Variants in RASAL2 observed in about 807,000 individuals in gnomAD.
The protein encoded by RASAL2 is RAS protein activator like 2.
A neutral mutation model predicts 128.9 loss-of-function variants in RASAL2; 58 were observed. That is an observed-to-expected ratio of 0.45 (90% confidence interval 0.36 to 0.56). The LOEUF (loss-of-function observed/expected upper bound fraction) is 0.56, where lower values mean the gene tolerates loss of function less well. RASAL2 is among the 20% of genes least tolerant of loss of function. The probability of loss-of-function intolerance (pLI) is 0.00; values close to 1 mark genes in which losing one functional copy is unlikely to be tolerated. For missense variants in RASAL2, 1,360 were observed against 1,601.6 expected, an observed-to-expected ratio of 0.85 and a Z score of 2.57; for synonymous variants, 561 against 580.8, an observed-to-expected ratio of 0.97 and a Z score of 0.49.
chr1:178,333,184 G>A (rs896211208), intron 3 of RASAL2, among the ~76,000 whole-genome samples: 3 of 151,882 alleles, frequency 2.0e-5, no homozygotes, highest in South Asian at 2.1e-4. Context: ...GCCCGCCACC[G>A]CTCCCGGCTA....
At chr1:178,438,881 C>CTGTGGGTG in intron 5 of RASAL2, among the ~76,000 whole-genome samples, 1 of 129,466 alleles carries the variant, frequency 7.7e-6, no homozygotes, top group Admixed American at 8.1e-5. Flanking sequence ...AGCTTCGACT[C>CTGTGGGTG]TGTGTGTGTG....
chr1:178,202,528 A>G (rs778039267), intron 1 of RASAL2, among the ~76,000 whole-genome samples: 3 of 152,206 alleles, frequency 2.0e-5, no homozygotes, highest in Admixed American at 6.5e-5. Context: ...CAAGCAGTGC[A>G]CCTGGGTGTG....
intron 8 of RASAL2, 92 bp from the exon 9 acceptor site, chr1:178,445,426 G>T (rs1676933638): frequency 1.5e-6 from 2 of 1,346,410 alleles, no homozygotes; most frequent in East Asian, 2.5e-5. Flanking sequence ...TTTTAAAGCA[G>T]CATTTCCAGG....
At chr1:178,359,244 T>C (rs1347717037) in intron 3 of RASAL2, among the ~76,000 whole-genome samples, 5 of 152,186 alleles carry the variant, frequency 3.3e-5, no homozygotes, top group Non-Finnish European at 7.3e-5. Context: ...GAAAAGTAAA[T>C]ACATTAATAA....
At chr1:178,119,678 A>G (rs553199587) in intron 1 of RASAL2, among the ~76,000 whole-genome samples, 1 of 152,324 alleles carries the variant, frequency 6.6e-6, no homozygotes, top group East Asian at 1.9e-4. Context: ...ACAGAAGTAC[A>G]TGTAACATAT....
At chr1:178,231,345 G>A (rs889015280) in intron 1 of RASAL2, among the ~76,000 whole-genome samples, 1 of 152,074 alleles carries the variant, frequency 6.6e-6, no homozygotes, top group Non-Finnish European at 1.5e-5. Context: ...TTGTGTGCGT[G>A]AAGAGTTTGT....
At chr1:178,345,867 A>G (rs1057417406) in intron 3 of RASAL2, among the ~76,000 whole-genome samples, 4 of 152,214 alleles carry the variant, frequency 2.6e-5, no homozygotes, top group African/African-American at 9.6e-5. Flanking sequence ...GGGAAGGATA[A>G]TCATCTCCTG....
chr1:178,252,071 T>A lies in RASAL2; in HGVS notation c.203-31493T>A, dbSNP rs545748506. Among the ~76,000 whole-genome samples the A allele has an allele frequency of 7.9e-5, 12 of 152,214 alleles. No individual in the cohort carries two copies. The South Asian group carries it at 2.3e-3, about 29-fold the overall frequency. The stretch of plus-strand genomic sequence containing the variant: ...TTAAGAGAATAAAGTGCTTGAAAAA[T>A]TTTATAAACTGAAAATTTATGTGGG... On this transcript the variant is annotated intron_variant, in intron 1 of 17. Transcript: ENST00000367649.
intron 3 of RASAL2, among the ~76,000 whole-genome samples, chr1:178,339,121 A>T (rs1669739431): frequency 6.6e-6 from 1 of 152,226 alleles, no homozygotes; most frequent in Non-Finnish European, 1.5e-5. Context: ...TTCTGATGCC[A>T]GCCTAGCACT....
intron 1 of RASAL2, among the ~76,000 whole-genome samples, chr1:178,162,351 T>C (rs1437885850): frequency 1.6e-5 from 2 of 126,986 alleles, no homozygotes; most frequent in African/African-American, 6.1e-5. Flanking sequence ...TATGTGTATA[T>C]AATATATAAT....
chr1:178,395,504 C>A (rs1475586538), intron 4 of RASAL2, among the ~76,000 whole-genome samples: 1 of 152,060 alleles, frequency 6.6e-6, no homozygotes, highest in Non-Finnish European at 1.5e-5. Flanking sequence ...TGTAAATTTA[C>A]AAAATACTTG....
At chr1:178,236,669 T>C (rs1031426498) in intron 1 of RASAL2, among the ~76,000 whole-genome samples, 2 of 152,156 alleles carry the variant, frequency 1.3e-5, no homozygotes, top group Non-Finnish European at 2.9e-5. Flanking sequence ...TTTAAAACTT[T>C]AGGGTATAAC....
chr1:178,320,291 G>A lies in RASAL2; in HGVS notation c.457+20173G>A, dbSNP rs545762081. 8.5e-3 allele frequency among the ~76,000 whole-genome samples: 1,302 copies of A among 152,318 alleles called. 13 individuals carry two copies. Among genetic ancestry groups the A allele is most frequent in the African/African-American group, 0.03 (1,250 of 41,564 alleles). ...CCAGAGGTGGAGCCTACAGGGGCAG[G>A]CAGGCCTCCTTGAGCTGTGGTGGGC... On this transcript the variant is annotated intron_variant, in intron 3 of 17. Transcript: ENST00000367649.
chr1:178,273,578 T>C (rs1375316850), intron 1 of RASAL2, among the ~76,000 whole-genome samples: 1 of 152,194 alleles, frequency 6.6e-6, no homozygotes, highest in Non-Finnish European at 1.5e-5. Context: ...GGATTACGTA[T>C]AGGGGTTTAA....
intron 1 of RASAL2, among the ~76,000 whole-genome samples, chr1:178,176,501 A>G (rs1485716484): frequency 1.3e-5 from 2 of 151,594 alleles, no homozygotes; most frequent in Non-Finnish European, 2.9e-5. Flanking sequence ...CCATTCTCAT[A>G]GTTCTCTTTC....
Position 178,190,291 on chromosome 1 carries a change from G to A in RASAL2, c.203-93273G>A, listed in dbSNP as rs536135590. 9.0e-5 allele frequency among the ~76,000 whole-genome samples: 13 copies of A among 144,804 alleles called. No individual in the cohort carries two copies. In the East Asian group the frequency reaches 1.9e-3, roughly 22 times the overall value. 95.0% of individuals were successfully genotyped at this position (144,804 alleles called of 152,430 possible). On this transcript the variant is annotated intron_variant, in intron 1 of 17. Coordinates refer to ENST00000367649, the MANE Select transcript of RASAL2 (RefSeq NM_170692.4). ...TATATTTTCCAATATCTCAAAAATA[G>A]GCACAAGAGAACTGAAGGTACTTAA...
chr1:178,473,492 A>G lies in RASAL2; in HGVS notation c.*253A>G, dbSNP rs895636429. 2 of 513,644 alleles carry G rather than the reference A, an allele frequency of 3.9e-6. No homozygotes were observed. Among genetic ancestry groups the G allele is most frequent in the Admixed American group, 3.6e-5 (1 of 27,820 alleles). The allele number at this position is 513,644 out of a possible 1,614,324, so 31.8% of individuals were successfully genotyped here. ...GCCATGTACAGAAAATATCACTGTA[A>G]TATACCAAAAGGAAGTTAATAATGT... is the stretch of plus-strand genomic sequence containing the variant. On this transcript the variant is annotated 3_prime_UTR_variant, in exon 18 of 18. Transcript: ENST00000367649.
chr1:178,355,601 A>G (rs1405248700), intron 3 of RASAL2, among the ~76,000 whole-genome samples: 1 of 152,208 alleles, frequency 6.6e-6, no homozygotes, highest in Non-Finnish European at 1.5e-5. Flanking sequence ...CAAATAGAAA[A>G]AGCACCAATT....
At chr1:178,427,513 T>G (rs1435448870) in intron 5 of RASAL2, among the ~76,000 whole-genome samples, 2 of 152,182 alleles carry the variant, frequency 1.3e-5, no homozygotes, top group African/African-American at 4.8e-5. Context: ...GTAAGTATGG[T>G]GTTCATTGGT....
Sources: gnomAD v4.1 joint callset for allele counts (sites outside exome capture counted in the v4.1 genomes callset) on GRCh38, gnomAD v4.1.1 for gene constraint, MANE v1.5 for transcripts, NCBI Gene and HGNC (gene_info 2026-07-23, HGNC 2026-07-21) for gene names.